Variants in RBFOX3 observed in about 807,000 individuals in gnomAD.
RBFOX3 encodes RNA binding protein fox-1 homolog 3.
Under a neutral mutation model 48.7 loss-of-function variants are expected in RBFOX3, and 17 were observed. The observed-to-expected ratio is 0.35, with a 90% CI of 0.24 to 0.52. RBFOX3 has a LOEUF of 0.52. Among genes scored for constraint, RBFOX3 ranks in the 20% least tolerant of loss-of-function variants. RBFOX3 has a pLI of 0.94. For missense variants in RBFOX3, 382 were observed against 497.5 expected, an observed-to-expected ratio of 0.77 and a Z score of 2.21; for synonymous variants, 212 against 209.5, an observed-to-expected ratio of 1.01 and a Z score of -0.10.
At chr17:79,562,156 T>A (rs2092262005) in intron 1 of RBFOX3, among the ~76,000 whole-genome samples, 2 of 152,226 alleles carry the variant, frequency 1.3e-5, no homozygotes, top group South Asian at 4.1e-4. Context: ...CAAAGCCTTG[T>A]AGAATGGTTC....
intron 3 of RBFOX3, among the ~76,000 whole-genome samples, chr17:79,287,419 TG>T (rs1479906951): frequency 6.6e-6 from 1 of 151,886 alleles, no homozygotes; most frequent in African/African-American, 2.4e-5. Flanking sequence ...TTGCATTGAG[TG>T]GGGGGTAGAG....
intron 1 of RBFOX3, among the ~76,000 whole-genome samples, chr17:79,530,457 C>T (rs2087560587): frequency 1.3e-5 from 2 of 152,074 alleles, no homozygotes; most frequent in East Asian, 1.9e-4. Flanking sequence ...GCCTTTGTGC[C>T]GCAGCCCTGG....
chr17:79,275,123 C>CCTCTCTCTCTCTCT (rs368963249), intron 3 of RBFOX3, among the ~76,000 whole-genome samples: 14,535 of 129,866 alleles, frequency 0.11, 1,083 homozygotes, highest in Non-Finnish European at 0.15. Flanking sequence ...TCCATGTCTC[C>CCTCTCTCTCTCTCT]CTCTCTCTCT....
At chr17:79,290,488 C>G (rs1422539948) in intron 3 of RBFOX3, among the ~76,000 whole-genome samples, 1 of 152,050 alleles carries the variant, frequency 6.6e-6, no homozygotes, top group Non-Finnish European at 1.5e-5. Context: ...ATGTGTGGCT[C>G]TTCGCCTCAT....
At chr17:79,323,513 A>G (rs1198882704) in intron 2 of RBFOX3, among the ~76,000 whole-genome samples, 1 of 152,238 alleles carries the variant, frequency 6.6e-6, no homozygotes, top group Non-Finnish European at 1.5e-5. Flanking sequence ...TGATAACGGT[A>G]GCACGTTTTG....
intron 1 of RBFOX3, among the ~76,000 whole-genome samples, chr17:79,507,615 C>G (rs1431408783): frequency 6.6e-6 from 1 of 152,168 alleles, no homozygotes. Context: ...TCTCCTCAGA[C>G]AAGAGCCCCC....
In RBFOX3 at chr17:79,198,904, C is replaced by G. The variant is rs1251139131; in HGVS notation, c.-34+36862G>C. Among the ~76,000 whole-genome samples the G allele has an allele frequency of 6.6e-6, 1 of 152,232 alleles. No individual in the cohort carries two copies. Among genetic ancestry groups the G allele is most frequent in the East Asian group, 1.9e-4 (1 of 5,198 alleles). ...TCGGCCTCCCAAAGTGCTGGGATTA[C>G]AGGTGTGAGCCACTGCACCTGGCCG... On this transcript the variant is annotated intron_variant, in intron 4 of 14. Transcript: ENST00000693108. This position sits in a 1 kb window ranked among gnomAD's most constrained non-coding sequence, Gnocchi z 8.2.
chr17:79,412,317 TA>T (rs2064514706), intron 2 of RBFOX3, among the ~76,000 whole-genome samples: 1 of 151,964 alleles, frequency 6.6e-6, no homozygotes, highest in South Asian at 2.1e-4. Flanking sequence ...CATGTGTATA[TA>T]AATGTGTGTG....
In RBFOX3 at chr17:79,252,591, G is replaced by A. The variant is rs979578315; in HGVS notation, c.-73-16786C>T. 3.9e-5 allele frequency among the ~76,000 whole-genome samples: 6 copies of A among 152,234 alleles called. No homozygotes were observed. The highest frequency in any genetic ancestry group is 1.4e-4 in the African/African-American group (6 of 41,460). On this transcript the variant is annotated intron_variant, in intron 3 of 14. Coordinates refer to ENST00000693108, the MANE Select transcript of RBFOX3 (RefSeq NM_001350451.2). The surrounding 1 kb of genome is among the most constrained non-coding windows in gnomAD (Gnocchi z 4.0). The stretch of plus-strand genomic sequence containing the variant: ...CTGATGGTTCCTCGATGGTAAACCA[G>A]TGAGGCTCCTTCCTGACTTCTGCCT...
intron 2 of RBFOX3, among the ~76,000 whole-genome samples, chr17:79,344,642 C>T (rs949880016): frequency 6.6e-6 from 1 of 152,096 alleles, no homozygotes; most frequent in African/African-American, 2.4e-5. Context: ...GCAACTTCCA[C>T]CTCCCAAGTT....
intron 5 of RBFOX3, among the ~76,000 whole-genome samples, chr17:79,115,045 C>T (rs1009750960): frequency 1.8e-4 from 28 of 152,238 alleles, no homozygotes; most frequent in African/African-American, 3.4e-4. Context: ...GGAGGGCCTG[C>T]AACCCGAGGC....
At chr17:79,633,735 C>T in the RBFOX3 span, among the ~76,000 whole-genome samples, 1 of 152,138 alleles carries the variant, frequency 6.6e-6, no homozygotes, top group Non-Finnish European at 1.5e-5. Flanking sequence ...CGTGAGGCAT[C>T]GGAGGCTGCT....
chr17:79,401,265 G>A (rs1185503536), intron 2 of RBFOX3, among the ~76,000 whole-genome samples: 5 of 152,208 alleles, frequency 3.3e-5, no homozygotes, highest in African/African-American at 1.2e-4. Context: ...CTGAGCGGCG[G>A]GAGCCACGCC....
At chr17:79,538,434 G>A (rs1005377168) in intron 1 of RBFOX3, among the ~76,000 whole-genome samples, 2 of 152,234 alleles carry the variant, frequency 1.3e-5, no homozygotes, top group Non-Finnish European at 2.9e-5. Context: ...GGAGTGAAGG[G>A]CAAGTTTGGC....
At chr17:79,402,876 C>T (rs566912171) in intron 2 of RBFOX3, among the ~76,000 whole-genome samples, 36 of 152,278 alleles carry the variant, frequency 2.4e-4, no homozygotes, top group African/African-American at 6.0e-4. Flanking sequence ...CCTACCCTCC[C>T]GGATGTCGTG....
rs1599279472 is a variant in RBFOX3 at position 79,606,880 on chromosome 17, G to C, written c.-320+3946C>G. On this transcript the variant is annotated intron_variant, in intron 1 of 14. Transcript: ENST00000693108. ...CATCCGCGCCACTCAGAAAGCACAG[G>C]AGGAAAAAAGAGTTGGGGAGAGGAA... is the stretch of plus-strand genomic sequence containing the variant. Among the ~76,000 whole-genome samples the C allele has an allele frequency of 2.0e-5, 3 of 151,548 alleles. No individual in the cohort carries two copies. The East Asian group carries it at 6.1e-4, about 31-fold the overall frequency.
At chr17:79,360,798 T>C (rs909190498) in intron 2 of RBFOX3, among the ~76,000 whole-genome samples, 18 of 151,064 alleles carry the variant, frequency 1.2e-4, no homozygotes. Flanking sequence ...CAAATTTTAA[T>C]TGAGAAAAAT....
At chr17:79,353,923 C>T (rs564163810) in intron 2 of RBFOX3, among the ~76,000 whole-genome samples, 4 of 152,190 alleles carry the variant, frequency 2.6e-5, no homozygotes, top group African/African-American at 7.2e-5. Flanking sequence ...ACTTGACCAT[C>T]GACCTCCAAG....
At chr17:79,319,461 A>G (rs1174564421) in intron 2 of RBFOX3, among the ~76,000 whole-genome samples, 2 of 152,142 alleles carry the variant, frequency 1.3e-5, no homozygotes, top group Non-Finnish European at 2.9e-5. Context: ...TCAGCCTGAG[A>G]ATCCTGAGAG....
Sources: allele counts gnomAD v4.1 joint callset (sites outside exome capture counted in the v4.1 genomes callset), GRCh38; gene constraint gnomAD v4.1.1; non-coding constraint Gnocchi (gnomAD v3.1); transcripts MANE v1.5; gene names NCBI Gene and HGNC (gene_info 2026-07-23, HGNC 2026-07-21).